The following TOX variants were observed in gnomAD, a reference collection of about 807,000 sequenced individuals.
The protein encoded by TOX is thymocyte selection associated high mobility group box.
In TOX, 11 loss-of-function variants were observed where a neutral mutation model predicts 53.7. That is an observed-to-expected ratio of 0.20 (90% confidence interval 0.13 to 0.34). The LOEUF (loss-of-function observed/expected upper bound fraction) is 0.34, where lower values mean the gene tolerates loss of function less well. TOX is among the 10% of genes least tolerant of loss of function. TOX has a pLI of 1.00. For synonymous variants in TOX, 225 were observed against 245.3 expected, an observed-to-expected ratio of 0.92 and a Z score of 0.77; for missense variants, 570 against 664.6, an observed-to-expected ratio of 0.86 and a Z score of 1.56.
At chr8:58,826,785 C>T (rs1481806695) in intron 6 of TOX, 37 bp downstream of exon 6, 1 of 1,566,708 alleles carries the variant, frequency 6.4e-7, no homozygotes, top group Non-Finnish European at 8.7e-7. Flanking sequence ...GCCGAGATGG[C>T]CACAATCCTT....
chr8:58,936,122 G>A (rs887470244), intron 3 of TOX, among the ~76,000 whole-genome samples: 1 of 152,150 alleles, frequency 6.6e-6, no homozygotes, highest in African/African-American at 2.4e-5. Context: ...AAAACCACCA[G>A]CGATTGCTTC....
At chr8:59,077,832 G>A (rs1050721068) in intron 1 of TOX, among the ~76,000 whole-genome samples, 1 of 152,154 alleles carries the variant, frequency 6.6e-6, no homozygotes, top group Non-Finnish European at 1.5e-5. Context: ...ATAAAGAATA[G>A]AGGCAATTGA....
intron 5 of TOX, among the ~76,000 whole-genome samples, chr8:58,827,908 T>C (rs1407559846): frequency 6.6e-6 from 1 of 152,202 alleles, no homozygotes; most frequent in Non-Finnish European, 1.5e-5. Context: ...ATATTTTTCA[T>C]CCTTCACTGT....
At chr8:59,049,398 AT>A (rs944676919) in intron 1 of TOX, among the ~76,000 whole-genome samples, 3 of 152,166 alleles carry the variant, frequency 2.0e-5, no homozygotes, top group Admixed American at 1.3e-4. Context: ...GATAAAATAC[AT>A]TTTTTAATCA....
intron 1 of TOX, among the ~76,000 whole-genome samples, chr8:58,970,677 T>A (rs1490016552): frequency 6.6e-6 from 1 of 152,236 alleles, no homozygotes; most frequent in Non-Finnish European, 1.5e-5. Context: ...TTTCCTATAT[T>A]GAACTATGAG....
At chr8:58,969,901 C>T (rs1812972313) in intron 1 of TOX, among the ~76,000 whole-genome samples, 1 of 152,182 alleles carries the variant, frequency 6.6e-6, no homozygotes, top group Non-Finnish European at 1.5e-5. Context: ...ATTGGTGCCC[C>T]TTGTCTTACT....
intron 1 of TOX, among the ~76,000 whole-genome samples, chr8:59,028,552 T>C (rs1025499407): frequency 1.3e-5 from 2 of 152,052 alleles, no homozygotes; most frequent in Non-Finnish European, 2.9e-5. Flanking sequence ...TTTAGATAGA[T>C]AGATACATGC....
chr8:59,029,343 A>C (rs1184297685), intron 1 of TOX, among the ~76,000 whole-genome samples: 1 of 151,856 alleles, frequency 6.6e-6, no homozygotes, highest in Non-Finnish European at 1.5e-5. Flanking sequence ...TCCTTTGAAC[A>C]CTAACAAAGT....
At chr8:59,112,412 CT>C (rs1805031906) in intron 1 of TOX, among the ~76,000 whole-genome samples, 1 of 152,174 alleles carries the variant, frequency 6.6e-6, no homozygotes, top group Admixed American at 6.5e-5. Flanking sequence ...TGGGATGAAA[CT>C]TGGCATGCAA....
chr8:58,862,605 G>T (rs187778622), intron 3 of TOX, among the ~76,000 whole-genome samples: 1 of 152,212 alleles, frequency 6.6e-6, no homozygotes, highest in Admixed American at 6.5e-5. Context: ...AATAAAGAAA[G>T]AGAATAGGCT....
chr8:58,881,536 G>A (rs1182018107), intron 3 of TOX, among the ~76,000 whole-genome samples: 1 of 151,896 alleles, frequency 6.6e-6, no homozygotes, highest in East Asian at 1.9e-4. Flanking sequence ...GCCAGCCTGG[G>A]CAACATAGCA....
intron 1 of TOX, among the ~76,000 whole-genome samples, chr8:58,977,429 T>G (rs1241209903): frequency 6.6e-6 from 1 of 152,202 alleles, no homozygotes; most frequent in Non-Finnish European, 1.5e-5. Context: ...CACCAAAACT[T>G]TCTCTACATC....
At chr8:58,865,657 G>C (rs1227948460) in intron 3 of TOX, among the ~76,000 whole-genome samples, 1 of 151,918 alleles carries the variant, frequency 6.6e-6, no homozygotes, top group East Asian at 1.9e-4. Flanking sequence ...CGGTCTTTAT[G>C]TGGTAAAAAC....
chr8:58,883,920 C>A (rs990261429), intron 3 of TOX, among the ~76,000 whole-genome samples: 2 of 152,040 alleles, frequency 1.3e-5, no homozygotes, highest in South Asian at 2.1e-4. Flanking sequence ...TCTTTTATGA[C>A]AAGAGTGCAA....
At chr8:59,028,788 C>T (rs548142310) in intron 1 of TOX, among the ~76,000 whole-genome samples, 11 of 152,196 alleles carry the variant, frequency 7.2e-5, no homozygotes, top group South Asian at 4.1e-4. Flanking sequence ...AAAGTCTGCT[C>T]GATCCTTCAA....
At chr8:58,981,049 C>T (rs1389999424) in intron 1 of TOX, among the ~76,000 whole-genome samples, 2 of 152,160 alleles carry the variant, frequency 1.3e-5, no homozygotes, top group Non-Finnish European at 2.9e-5. Context: ...TCTTGCAGAT[C>T]TTTTCCAAAT....
intron 1 of TOX, among the ~76,000 whole-genome samples, chr8:58,986,500 T>C (rs1248720955): frequency 6.6e-6 from 1 of 152,236 alleles, no homozygotes; most frequent in Non-Finnish European, 1.5e-5. Context: ...ATGTGTTTTA[T>C]ATCTTTTTTA....
intron 3 of TOX, among the ~76,000 whole-genome samples, chr8:58,887,179 C>A (rs1262044972): frequency 6.6e-6 from 1 of 151,832 alleles, no homozygotes; most frequent in African/African-American, 2.4e-5. Context: ...CTTTCTTATT[C>A]AGGATGGATT....
intron 1 of TOX, among the ~76,000 whole-genome samples, chr8:59,033,005 T>C (rs1814387376): frequency 7.0e-6 from 1 of 143,500 alleles, no homozygotes; most frequent in African/African-American, 2.6e-5. Flanking sequence ...TTGCACTCCA[T>C]CCTGGGCCAC....
Sources: allele counts gnomAD v4.1 joint callset (sites outside exome capture counted in the v4.1 genomes callset), GRCh38; gene constraint gnomAD v4.1.1; transcripts MANE v1.5; gene names NCBI Gene and HGNC (gene_info 2026-07-23, HGNC 2026-07-21).